The following NLRP9 variants were observed in gnomAD, a reference collection of about 807,000 sequenced individuals.
The protein encoded by NLRP9 is NACHT, LRR and PYD domains-containing protein 9.
Under a neutral mutation model 83.1 loss-of-function variants are expected in NLRP9, and 88 were observed. The ratio of observed to expected loss-of-function variants is 1.06; its 90% CI spans 0.89 to 1.26. The LOEUF (loss-of-function observed/expected upper bound fraction) is 1.26, where lower values mean the gene tolerates loss of function less well. Ranked by LOEUF, NLRP9 falls within the 50% of genes most tolerant of loss-of-function variation. The probability of loss-of-function intolerance (pLI) is 0.00; values close to 1 mark genes in which losing one functional copy is unlikely to be tolerated. For missense variants in NLRP9, 1,308 were observed against 1,179.3 expected, an observed-to-expected ratio of 1.11 and a Z score of -1.60; for synonymous variants, 521 against 447.6, an observed-to-expected ratio of 1.16 and a Z score of -2.07.
At chr19:55,727,571 C>T (rs573246058) in intron 3 of NLRP9, among the ~76,000 whole-genome samples, 2 of 152,216 alleles carry the variant, frequency 1.3e-5, no homozygotes, top group African/African-American at 2.4e-5. Flanking sequence ...ACTGCTTATG[C>T]GTTATAATCA....
chr19:55,738,147 A>T lies in NLRP9; in HGVS notation c.228T>A (p.Phe76Leu). ...KQAWEVTLNL[F>L]LQINRKDLWT... Reference sequence around the variant, plus strand: ...AGAGATCTTTCCTATTGATCTGTAGAAACAGGTTCAGTGTTACCTCCCATG... The same window carrying T: ...AGAGATCTTTCCTATTGATCTGTAGTAACAGGTTCAGTGTTACCTCCCATG... Residue 76 changes from phenylalanine to leucine, a missense_variant, in exon 1 of 9, where the codon TTT becomes TTA. Phe to Leu is a conservative substitution (Grantham distance 22, BLOSUM62 0). Coordinates refer to ENST00000332836, the MANE Select transcript of NLRP9 (RefSeq NM_176820.4). The T allele has an allele frequency of 6.2e-7, 1 of 1,614,166 alleles. No individual in the cohort carries two copies. The highest frequency in any genetic ancestry group is 8.5e-7 in the Non-Finnish European group (1 of 1,180,018).
At position 55,708,547 on chromosome 19, in the gene NLRP9, T is replaced by A. The variant is rs1258870152; in HGVS notation, c.*365A>T. On this transcript the variant is annotated 3_prime_UTR_variant, in exon 9 of 9. Coordinates refer to ENST00000332836, the MANE Select transcript of NLRP9 (RefSeq NM_176820.4). ...TCTATAGACACATTCTAGCATCACT[T>A]CTGTGTCAGAAGTATCCGGATTGTG... 1.2e-5 allele frequency: 2 copies of A among 164,136 alleles called. No homozygotes were observed. Among genetic ancestry groups the A allele is most frequent in the Non-Finnish European group, 2.6e-5 (2 of 76,366 alleles). The allele number at this position is 164,136 out of a possible 1,614,324, so 10.2% of individuals were successfully genotyped here.
In NLRP9 at chr19:55,732,550, C is replaced by T; in HGVS notation, c.1281G>A (p.Met427Ile). ...TTTGGAGGAGTCTCATACCCACCCA[C>T]ATCACGCCCTCAGACTCAGATAACC... ...RNGLSESEGV[M>I]WVGMRLLQRR... The change falls in exon 2 of 9, where the codon ATG (methionine) becomes ATA (isoleucine). Residue 427 changes from methionine to isoleucine, a missense_variant. Physicochemically the swap from Met to Ile is conservative, Grantham distance 10. Coordinates refer to ENST00000332836, the MANE Select transcript of NLRP9 (RefSeq NM_176820.4). The T allele has an allele frequency of 1.2e-6, 2 of 1,614,234 alleles. No individual in the cohort carries two copies. The highest frequency in any genetic ancestry group is 1.7e-5 in the Admixed American group (1 of 60,022).
intron 1 of NLRP9, among the ~76,000 whole-genome samples, chr19:55,734,620 C>CACAT (rs1399155948): frequency 2.3e-5 from 2 of 87,614 alleles, no homozygotes; most frequent in East Asian, 6.3e-4. Flanking sequence ...CACACACACA[C>CACAT]ATATATATAT....
chr19:55,709,163 G>T, intron 8 of NLRP9, 119 bp from the exon 9 acceptor site: 1 of 631,606 alleles, frequency 1.6e-6, no homozygotes, highest in Non-Finnish European at 2.5e-6. Flanking sequence ...ATCACTGGGA[G>T]AATTGTACTG....
chr19:55,734,432 T>C (rs1403291611), intron 1 of NLRP9, among the ~76,000 whole-genome samples: 1 of 144,102 alleles, frequency 6.9e-6, no homozygotes, highest in Non-Finnish European at 1.5e-5. Flanking sequence ...GTCTTGTCTA[T>C]ATAATAACCT....
intron 3 of NLRP9, among the ~76,000 whole-genome samples, chr19:55,726,076 G>A (rs1167271000): frequency 2.0e-5 from 3 of 152,024 alleles, no homozygotes; most frequent in African/African-American, 7.2e-5. Context: ...AGACACCTGT[G>A]AGAATAAGCG....
At chr19:55,720,281 A>G (rs1292117764) in intron 4 of NLRP9, among the ~76,000 whole-genome samples, 1 of 152,184 alleles carries the variant, frequency 6.6e-6, no homozygotes, top group Non-Finnish European at 1.5e-5. Flanking sequence ...AGACTTTGAG[A>G]GAAAAATGCA....
chr19:55,717,634 GTGTTT>G (rs750834395), intron 4 of NLRP9, among the ~76,000 whole-genome samples: 2 of 152,184 alleles, frequency 1.3e-5, no homozygotes, highest in African/African-American at 2.4e-5. Flanking sequence ...AACCCAAACT[GTGTTT>G]TTTTTCCTAC....
At chr19:55,723,597 G>A (rs369205201) in intron 4 of NLRP9, among the ~76,000 whole-genome samples, 38 of 151,974 alleles carry the variant, frequency 2.5e-4, no homozygotes, top group East Asian at 3.9e-4. Flanking sequence ...GTATGGTGGC[G>A]TGCACCTGTA....
At chr19:55,711,017 C>A (rs1987689735) in intron 8 of NLRP9, among the ~76,000 whole-genome samples, 1 of 150,532 alleles carries the variant, frequency 6.6e-6, no homozygotes, top group Non-Finnish European at 1.5e-5. Flanking sequence ...GCCCGGGAGG[C>A]AGGGGTTGAA....
chr19:55,712,519 A>G lies in NLRP9; in HGVS notation c.2573T>C (p.Leu858Pro), dbSNP rs147245469. 422 of 1,612,614 alleles carry G rather than the reference A, an allele frequency of 2.6e-4. No individual in the cohort carries two copies. Among genetic ancestry groups the G allele is most frequent in the Non-Finnish European group, 3.5e-4 (413 of 1,179,856 alleles). Residue 858 changes from leucine to proline, a missense_variant, in exon 7 of 9, where the codon CTG becomes CCG. Physicochemically the swap from Leu to Pro is moderately conservative, Grantham distance 98. Coordinates refer to ENST00000332836, the MANE Select transcript of NLRP9 (RefSeq NM_176820.4). ...IAAVLICNGKLKTLKLGHNEI... is the reference protein window; with the variant it reads ...IAAVLICNGKPKTLKLGHNEI... Reference sequence around the variant, plus strand: ...ATTATGCCCAAGTTTCAGGGTCTTCAGTTTCCCATTGCAAATAAGAACAGC... The same window carrying G: ...ATTATGCCCAAGTTTCAGGGTCTTCGGTTTCCCATTGCAAATAAGAACAGC...
Position 55,738,244 on chromosome 19 carries a change from C to T in NLRP9, c.131G>A (p.Trp44Ter). The stretch of plus-strand genomic sequence containing the variant: ...TTTGGAGGCCTTCTTCAGCTCAGCC[C>T]AGGGGATTGGCTTGAGTTCAAATTT... ...LEKFELKPIP[W>*]AELKKASKED... The change falls in exon 1 of 9, where the codon TGG becomes TAG. Residue 44 changes from tryptophan (W) to a stop codon, truncating the protein, a stop_gained. Coordinates refer to ENST00000332836, the MANE Select transcript of NLRP9 (RefSeq NM_176820.4). LOFTEE classifies it high-confidence loss of function. 1 of 1,614,102 alleles carries T rather than the reference C, an allele frequency of 6.2e-7. No homozygotes were observed. Among genetic ancestry groups the T allele is most frequent in the Non-Finnish European group, 8.5e-7 (1 of 1,180,034 alleles).
In NLRP9 at chr19:55,715,141, A is replaced by G; in HGVS notation, c.2415T>C (p.Asp805=). 1 of 1,613,394 alleles carries G rather than the reference A, an allele frequency of 6.2e-7. No individual in the cohort carries two copies. Among genetic ancestry groups the G allele is most frequent in the Non-Finnish European group, 8.5e-7 (1 of 1,179,914 alleles). The change falls in exon 6 of 9, where the codon GAT becomes GAC. Residue 805 remains aspartate, a synonymous_variant. Coordinates refer to ENST00000332836, the MANE Select transcript of NLRP9 (RefSeq NM_176820.4). ...LLCSKSLSLL[D]LGSNALEDNG... is the part of the protein sequence containing the mutation. ...TATCTTCCAGGGCATTTGAGCCCAG[A>G]TCGAGGAGGGACAGGGACTTACTGC...
chr19:55,731,585 G>T (rs1600141206), intron 2 of NLRP9, among the ~76,000 whole-genome samples: 1 of 151,850 alleles, frequency 6.6e-6, no homozygotes, highest in African/African-American at 2.4e-5. Flanking sequence ...TTAGCCGGGC[G>T]TGGTGGCGGG....
chr19:55,730,485 T>C (rs905556354), intron 2 of NLRP9, among the ~76,000 whole-genome samples: 1 of 149,944 alleles, frequency 6.7e-6, no homozygotes, highest in Admixed American at 6.6e-5. Context: ...CTATTTACAA[T>C]AGCAAAGACA....
intron 1 of NLRP9, among the ~76,000 whole-genome samples, chr19:55,734,526 C>CATATATATATATATATAT (rs34937854): frequency 1.9e-5 from 2 of 107,826 alleles, no homozygotes; most frequent in African/African-American, 8.6e-5. Flanking sequence ...TACACACACA[C>CATATATATATATATATAT]ATATATATAT....
chr19:55,734,629 A>G (rs1206197694), intron 1 of NLRP9, among the ~76,000 whole-genome samples: 11 of 106,052 alleles, frequency 1.0e-4, no homozygotes, highest in Admixed American at 9.7e-4. Context: ...ACATATATAT[A>G]TATATATATT....
At chr19:55,711,394 T>C (rs964557605) in intron 8 of NLRP9, 4 of 1,262,282 alleles carry the variant, frequency 3.2e-6, no homozygotes, top group South Asian at 2.7e-5. Context: ...ATTTGGCGAA[T>C]GTATTTCTGA....
Sources: allele counts gnomAD v4.1 joint callset (sites outside exome capture counted in the v4.1 genomes callset), GRCh38; gene constraint gnomAD v4.1.1; transcripts MANE v1.5; gene names NCBI Gene and HGNC (gene_info 2026-07-23, HGNC 2026-07-21).